Variants in LRMDA observed in about 807,000 individuals in gnomAD.
LRMDA encodes leucine rich melanocyte differentiation associated, also known as leucine-rich melanocyte differentiation-associated protein.
In LRMDA, 18 loss-of-function variants were observed where a neutral mutation model predicts 29.8. That is an observed-to-expected ratio of 0.60 (90% confidence interval 0.42 to 0.90). LRMDA has a LOEUF of 0.90. Among genes scored for constraint, LRMDA ranks in the 40% least tolerant of loss-of-function variants. The pLI, the probability that LRMDA is intolerant of heterozygous loss-of-function variation, is 0.00. For synonymous variants in LRMDA, 125 were observed against 109.4 expected (o/e 1.14, Z -0.89); for missense variants, 273 against 273.9 (o/e 1.00, Z 0.02).
chr10:75,640,772 C>CT (rs1053579735), intron 2 of LRMDA, among the ~76,000 whole-genome samples: 5 of 151,846 alleles, frequency 3.3e-5, no homozygotes, highest in African/African-American at 7.3e-5. Context: ...CAAAGGGAAG[C>CT]TTTTTTTTAA....
intron 6 of LRMDA, among the ~76,000 whole-genome samples, chr10:76,429,665 C>T (rs1842170442): frequency 6.6e-6 from 1 of 152,046 alleles, no homozygotes; most frequent in Non-Finnish European, 1.5e-5. Context: ...AATGAACATC[C>T]CCAAATGGGA....
chr10:75,607,437 T>C (rs998652064), intron 2 of LRMDA, among the ~76,000 whole-genome samples: 4 of 152,256 alleles, frequency 2.6e-5, no homozygotes, highest in Non-Finnish European at 5.9e-5. Context: ...AGCCATTTCA[T>C]GTAATACTGT....
intron 2 of LRMDA, among the ~76,000 whole-genome samples, chr10:75,493,348 G>GGTGTGTGTGTGTGTGT (rs3220724): frequency 4.0e-4 from 54 of 133,352 alleles, no homozygotes; most frequent in African/African-American, 1.2e-3. Context: ...GTTGAGATTG[G>GGTGTGTGTGTGTGTGT]GTGTGTGTGT....
At chr10:75,894,624 ATAGTT>A (rs1845553228) in intron 2 of LRMDA, among the ~76,000 whole-genome samples, 1 of 152,188 alleles carries the variant, frequency 6.6e-6, no homozygotes, top group Non-Finnish European at 1.5e-5. Context: ...CTTTGGAAGG[ATAGTT>A]GGTGTGTGGG....
intron 5 of LRMDA, among the ~76,000 whole-genome samples, chr10:76,140,491 T>C (rs59778107): frequency 0.14 from 21,069 of 152,188 alleles, 1,623 homozygotes; most frequent in East Asian, 0.24. Flanking sequence ...CAAGCCACCT[T>C]TTTAAGATTT....
At chr10:75,929,054 C>A (rs1000454755) in intron 2 of LRMDA, among the ~76,000 whole-genome samples, 68 of 152,288 alleles carry the variant, frequency 4.5e-4, no homozygotes, top group African/African-American at 1.5e-3. Flanking sequence ...GAAAGTTCCA[C>A]CATGCCAAGT....
intron 6 of LRMDA, among the ~76,000 whole-genome samples, chr10:76,531,479 T>C (rs1843233211): frequency 6.6e-6 from 1 of 152,194 alleles, no homozygotes; most frequent in Non-Finnish European, 1.5e-5. Flanking sequence ...TTTCCTGTGT[T>C]GCTGAGAGTT....
intron 2 of LRMDA, among the ~76,000 whole-genome samples, chr10:75,568,757 C>T (rs1474773456): frequency 6.6e-6 from 1 of 152,192 alleles, no homozygotes; most frequent in South Asian, 2.1e-4. Context: ...TAAGATGACA[C>T]AATTAAGACA....
At chr10:75,700,875 G>C (rs889297937) in intron 2 of LRMDA, among the ~76,000 whole-genome samples, 1 of 152,090 alleles carries the variant, frequency 6.6e-6, no homozygotes, top group Non-Finnish European at 1.5e-5. Context: ...CTTAGCTGTC[G>C]GCCCAGGTGT....
chr10:75,729,072 C>A (rs1419218206), intron 2 of LRMDA, among the ~76,000 whole-genome samples: 1 of 152,172 alleles, frequency 6.6e-6, no homozygotes, highest in Non-Finnish European at 1.5e-5. Flanking sequence ...TCTCACTCCC[C>A]CAGCCCTCTC....
intron 2 of LRMDA, among the ~76,000 whole-genome samples, chr10:75,857,668 C>A (rs1314899097): frequency 6.6e-6 from 1 of 152,178 alleles, no homozygotes; most frequent in Non-Finnish European, 1.5e-5. Context: ...GGATAGAGAT[C>A]ATAGAATTAA....
intron 2 of LRMDA, among the ~76,000 whole-genome samples, chr10:75,949,741 A>T (rs1846540456): frequency 6.6e-6 from 1 of 151,986 alleles, no homozygotes; most frequent in African/African-American, 2.4e-5. Flanking sequence ...ACCCATATTT[A>T]CCCATAGGGA....
intron 2 of LRMDA, among the ~76,000 whole-genome samples, chr10:75,657,593 C>T (rs1841693889): frequency 6.6e-6 from 1 of 152,148 alleles, no homozygotes; most frequent in Non-Finnish European, 1.5e-5. Flanking sequence ...TCAGTTTTCT[C>T]ATCTGTAAAA....
chr10:75,543,840 T>C (rs185355366), intron 2 of LRMDA, among the ~76,000 whole-genome samples: 4 of 152,172 alleles, frequency 2.6e-5, no homozygotes, highest in Non-Finnish European at 5.9e-5. Flanking sequence ...CTATGAAACA[T>C]GACAGTAAGC....
chr10:75,497,826 C>G (rs1313663910), intron 2 of LRMDA, among the ~76,000 whole-genome samples: 1 of 152,184 alleles, frequency 6.6e-6, no homozygotes, highest in East Asian at 1.9e-4. Flanking sequence ...TTGAATGTCA[C>G]TTAAGCTGTT....
At chr10:76,555,322 A>G (rs1421179105) in intron 6 of LRMDA, among the ~76,000 whole-genome samples, 1 of 152,228 alleles carries the variant, frequency 6.6e-6, no homozygotes, top group Non-Finnish European at 1.5e-5. Flanking sequence ...GTGAGGTTCC[A>G]TCCAAGCTCA....
intron 2 of LRMDA, among the ~76,000 whole-genome samples, chr10:75,647,092 C>T (rs1487976687): frequency 6.6e-6 from 1 of 152,066 alleles, no homozygotes; most frequent in African/African-American, 2.4e-5. Flanking sequence ...CGCTGCTTTT[C>T]CCCCGGACCT....
At chr10:76,015,152 G>T (rs1190713016) in intron 2 of LRMDA, among the ~76,000 whole-genome samples, 2 of 152,234 alleles carry the variant, frequency 1.3e-5, no homozygotes, top group Admixed American at 6.5e-5. Context: ...CCGGCACTTT[G>T]CCAGGTGTAT....
At chr10:75,849,395 C>T (rs900685604) in intron 2 of LRMDA, among the ~76,000 whole-genome samples, 1 of 151,524 alleles carries the variant, frequency 6.6e-6, no homozygotes, top group Non-Finnish European at 1.5e-5. Flanking sequence ...AAAAATTGTA[C>T]ATATATACCA....
Sources: allele counts gnomAD v4.1 joint callset (sites outside exome capture counted in the v4.1 genomes callset), GRCh38; gene constraint gnomAD v4.1.1; transcripts MANE v1.5; gene names NCBI Gene and HGNC (gene_info 2026-07-23, HGNC 2026-07-21).